JAG2: variants seen among roughly 807,000 people sequenced by gnomAD.
The protein encoded by JAG2 is protein jagged-2.
Under a neutral mutation model 141.7 loss-of-function variants are expected in JAG2, and 46 were observed. The ratio of observed to expected loss-of-function variants is 0.32; its 90% CI spans 0.26 to 0.42. The LOEUF is 0.42. Ranked by LOEUF, JAG2 falls within the 10% of genes least tolerant of loss-of-function variation. The pLI is 1.00. For missense variants in JAG2, 1,500 were observed against 1,817.5 expected (o/e 0.83, Z 3.18); for synonymous variants, 862 against 763.5 (o/e 1.13, Z -2.13).
Position 105,167,719 on chromosome 14 carries a change from A to C in JAG2, c.417+38T>G, listed in dbSNP as rs1458521767. ...GCGCGGGGCCGGGGCGCGGAGAGAG[A>C]GGGAAGGGCTGGAGCACGAGGGATG... On this transcript the variant is annotated intron_variant, in intron 2 of 25. Coordinates refer to ENST00000331782, the MANE Select transcript of JAG2 (RefSeq NM_002226.5). This position sits in a 1 kb window ranked among gnomAD's most constrained non-coding sequence, Gnocchi z 4.8. 1.4e-6 allele frequency: 2 copies of C among 1,398,542 alleles called. No homozygotes were observed. Among genetic ancestry groups the C allele is most frequent in the Non-Finnish European group, 1.9e-6 (2 of 1,075,244 alleles). The allele number at this position is 1,398,542 out of a possible 1,614,324, so 86.6% of individuals were successfully genotyped here. A position where few individuals can be genotyped will look rare whatever the true frequency, so the allele number is the denominator to read the frequency against.
In JAG2 at chr14:105,154,368, G is replaced by A. The variant is rs897436770; in HGVS notation, c.788+1194C>T. ...CTCCACCCGCTCGCGCCCCTCTCTC[G>A]GGCTCCCCAGCTTGCTCACGCACAG... On this transcript the variant is annotated intron_variant, in intron 5 of 25. Coordinates refer to ENST00000331782, the MANE Select transcript of JAG2 (RefSeq NM_002226.5). This position sits in a 1 kb window ranked among gnomAD's most constrained non-coding sequence, Gnocchi z 4.4. Among the ~76,000 whole-genome samples the A allele has an allele frequency of 1.3e-5, 2 of 152,144 alleles. No homozygotes were observed. The highest frequency in any genetic ancestry group is 2.9e-5 in the Non-Finnish European group (2 of 67,988).
intron 3 of JAG2, among the ~76,000 whole-genome samples, chr14:105,156,742 C>G (rs1354459548): frequency 6.6e-6 from 1 of 152,164 alleles, no homozygotes; most frequent in East Asian, 1.9e-4. Context: ...ACTGTGCTGG[C>G]CCACTCCCCA....
At position 105,147,446 on chromosome 14, in the gene JAG2, C is replaced by T. The variant is rs587762920; in HGVS notation, c.2394-35G>A. 73 of 1,609,786 alleles carry T rather than the reference C, an allele frequency of 4.5e-5. No homozygotes were observed. The East Asian group carries it at 7.8e-4, about 17-fold the overall frequency. On this transcript the variant is annotated intron_variant, in intron 19 of 25. Transcript: ENST00000331782. Reference sequence around the variant, plus strand: ...AGAGGGTGGGCATCAGGTGGCCCCCCGTGGTATGCCAAGTCCCACCCACCC... The same window carrying T: ...AGAGGGTGGGCATCAGGTGGCCCCCTGTGGTATGCCAAGTCCCACCCACCC...
Position 105,149,206 on chromosome 14 carries a change from C to G in JAG2, c.1717G>C (p.Val573Leu), listed in dbSNP as rs374569282. 1 of 1,612,034 alleles carries G rather than the reference C, an allele frequency of 6.2e-7. No individual in the cohort carries two copies. The highest frequency in any genetic ancestry group is 8.5e-7 in the Non-Finnish European group (1 of 1,179,834). The change falls in exon 13 of 26, where the codon GTG (valine) becomes CTG (leucine). Residue 573 changes from valine to leucine, a missense_variant. This residue lies in a region of JAG2 where 875 missense variants were observed against 1,202.2 expected (regional missense o/e 0.73). Coordinates refer to ENST00000331782, the MANE Select transcript of JAG2 (RefSeq NM_002226.5). ...PDDFGGKNCS[V>L]PREPCPGGAC... ...CCGCCAGGGCACGGCTCGCGGGGCA[C>G]GGAGCAGTTCTTGCCACCAAAGTCA...
intron 2 of JAG2, among the ~76,000 whole-genome samples, chr14:105,159,181 C>T (rs975787287): frequency 6.6e-6 from 1 of 150,998 alleles, no homozygotes; most frequent in Non-Finnish European, 1.5e-5. Context: ...ACAACTAGGG[C>T]CCAACATGAC....
At chr14:105,157,068 C>A (rs1054918687) in intron 3 of JAG2, among the ~76,000 whole-genome samples, 2 of 152,202 alleles carry the variant, frequency 1.3e-5, no homozygotes, top group East Asian at 1.9e-4. Context: ...GTCCAAGTCA[C>A]CCTGACACGC....
At chr14:105,149,377 G>A (rs1595176870) in intron 12 of JAG2, 57 bp from the exon 13 acceptor site, 2 of 1,607,322 alleles carry the variant, frequency 1.2e-6, no homozygotes, top group East Asian at 2.2e-5. Context: ...CGGGAACACA[G>A]GCCAGGCCTC....
intron 2 of JAG2, among the ~76,000 whole-genome samples, chr14:105,166,978 ACCCACCTGCCAGCCCACT>A (rs1888931869): frequency 6.6e-6 from 1 of 151,800 alleles, no homozygotes; most frequent in Non-Finnish European, 1.5e-5. Flanking sequence ...ACCTACCACT[ACCCACCTGCCAGCCCACT>A]GGGATGAGTA....
intron 24 of JAG2, 40 bp from the exon 25 acceptor site, chr14:105,143,678 TC>T: frequency 1.9e-6 from 3 of 1,597,952 alleles, no homozygotes; most frequent in Non-Finnish European, 2.5e-6. Context: ...GCTCGAGGGC[TC>T]CAGGCTCCCA....
chr14:105,147,799 C>T lies in JAG2; in HGVS notation c.2338G>A (p.Gly780Ser). 2 of 1,549,074 alleles carry T rather than the reference C, an allele frequency of 1.3e-6. No individual in the cohort carries two copies. Among genetic ancestry groups the T allele is most frequent in the Non-Finnish European group, 1.7e-6 (2 of 1,146,994 alleles). ...GASFSCICRD[G>S]WEGRTCTHNT... is the part of the protein sequence containing the mutation. ...TGAGTGCAAGTACGACCCTCCCAGCCGTCCCGGCAGATGCAGGAGAAGGAG... is the reference window on the plus strand; with the variant it reads ...TGAGTGCAAGTACGACCCTCCCAGCTGTCCCGGCAGATGCAGGAGAAGGAG... Residue 780 changes from glycine (G) to serine (S), a missense_variant, in exon 18 of 26, where the codon GGC becomes AGC. This residue lies in a region of JAG2 where 875 missense variants were observed against 1,202.2 expected (regional missense o/e 0.73). Transcript: ENST00000331782.
chr14:105,156,262 A>G (rs1160255273), intron 3 of JAG2, among the ~76,000 whole-genome samples: 1 of 151,968 alleles, frequency 6.6e-6, no homozygotes, highest in African/African-American at 2.4e-5. Context: ...CCCTGCAGGG[A>G]GGGCTGCTGA....
chr14:105,151,182 G>GCCCAGCAGC lies in JAG2; in HGVS notation c.1268-87_1268-79dup, dbSNP rs879116815. On this transcript the variant is annotated intron_variant, in intron 9 of 25. Coordinates refer to ENST00000331782, the MANE Select transcript of JAG2 (RefSeq NM_002226.5). ...GCAGCACGGGCACCTGGCACCCGCA[G>GCCCAGCAGC]CCCAGCAGCCCCAGCAGCCCCAGCA... 2.1e-4 allele frequency: 259 copies of GCCCAGCAGC among 1,252,212 alleles called. 1 individual carries two copies. In the East Asian group the frequency reaches 3.2e-3, roughly 16 times the overall value. 77.6% of individuals were successfully genotyped at this position (1,252,212 alleles called of 1,614,324 possible).
rs1176339398 is a variant in JAG2, at chr14:105,141,420, A to C, written c.*1275T>G. 6.6e-6 allele frequency: 1 copy of C among 152,278 alleles called. No homozygotes were observed. The allele number at this position is 152,278 out of a possible 1,614,324, so 9.4% of individuals were successfully genotyped here. The stretch of plus-strand genomic sequence containing the variant: ...AGACCTTGATACGTATTCGTGGGTA[A>C]GCAATTTTATACTATTTTATAAAAC... On this transcript the variant is annotated 3_prime_UTR_variant, in exon 26 of 26. Transcript: ENST00000331782.
rs1299371389 is a variant in JAG2, at chr14:105,168,399, GC to G, written c.21del (p.Arg8AlafsTer27). 67 of 996,894 alleles carry G rather than the reference GC, an allele frequency of 6.7e-5. No homozygotes were observed. Among genetic ancestry groups the G allele is most frequent in the Middle Eastern group, 4.8e-4 (1 of 2,100 alleles). 61.8% of individuals were successfully genotyped at this position (996,894 alleles called of 1,614,324 possible). A position where few individuals can be genotyped will look rare whatever the true frequency, so the allele number is the denominator to read the frequency against. On this transcript the variant is annotated frameshift_variant, in exon 1 of 26. Transcript: ENST00000331782. LOFTEE classifies it high-confidence loss of function. MRAQGR[G>X]RLPRRLLLLL... ...AGCAGCAGCAGCCGCCGGGGAAGGC[GC>G]CCCCGGCCCTGCGCCCGCATTGCCC...
At position 105,143,459 on chromosome 14, in the gene JAG2, AG is replaced by A. The variant is rs761429993; in HGVS notation, c.3241+22del. On this transcript the variant is annotated intron_variant, in intron 25 of 25. Coordinates refer to ENST00000331782, the MANE Select transcript of JAG2 (RefSeq NM_002226.5). ...TGAGTTGCCTGCCTGGTGCCTTCCC[AG>A]GGGCCCACCTCCCGCGCTTACCTGT... is the stretch of plus-strand genomic sequence containing the variant. 9.7e-5 allele frequency: 150 copies of A among 1,542,062 alleles called. 1 individual carries two copies. The Admixed American group carries it at 1.2e-3, about 13-fold the overall frequency.
chr14:105,167,361 G>A lies in JAG2; in HGVS notation c.417+396C>T, dbSNP rs1345539782. ...CGCAGGCTGGCCACGGGCCCGGGGC[G>A]GCTCAGTCAGGGCCTGCCCTAGACC... On this transcript the variant is annotated intron_variant, in intron 2 of 25. Coordinates refer to ENST00000331782, the MANE Select transcript of JAG2 (RefSeq NM_002226.5). The surrounding 1 kb of genome is among the most constrained non-coding windows in gnomAD (Gnocchi z 4.8). Among the ~76,000 whole-genome samples the A allele has an allele frequency of 1.3e-5, 2 of 152,040 alleles. No homozygotes were observed. Among genetic ancestry groups the A allele is most frequent in the Non-Finnish European group, 2.9e-5 (2 of 67,970 alleles).
rs147282825 is a variant in JAG2 at position 105,160,963 on chromosome 14, C to G, written c.418-3200G>C. ...TGAAGGAGCTGCATGGCAGAGCCCACAAGAAGGCCCAGGGGCTGAGAACGC... is the reference window on the plus strand; with the variant it reads ...TGAAGGAGCTGCATGGCAGAGCCCAGAAGAAGGCCCAGGGGCTGAGAACGC... On this transcript the variant is annotated intron_variant, in intron 2 of 25. Coordinates refer to ENST00000331782, the MANE Select transcript of JAG2 (RefSeq NM_002226.5). Among the ~76,000 whole-genome samples the G allele has an allele frequency of 6.2e-3, 936 of 152,192 alleles. 12 individuals carry two copies. The highest frequency in any genetic ancestry group is 0.021 in the African/African-American group (880 of 41,510).
In JAG2 at chr14:105,151,774, C is replaced by T. The variant is rs1888440549; in HGVS notation, c.1040-35G>A. 4 of 1,599,590 alleles carry T rather than the reference C, an allele frequency of 2.5e-6. No individual in the cohort carries two copies. The Admixed American group carries it at 5.1e-5, about 20-fold the overall frequency. On this transcript the variant is annotated intron_variant, in intron 7 of 25. Coordinates refer to ENST00000331782, the MANE Select transcript of JAG2 (RefSeq NM_002226.5). ...CGCGGGGAGGGGGCAGAGCTGGCAG[C>T]CAGGCCCCCAGCTTTCCACAAGCAC...
intron 5 of JAG2, among the ~76,000 whole-genome samples, chr14:105,153,741 C>G (rs587723830): frequency 6.6e-6 from 1 of 152,216 alleles, no homozygotes. Context: ...CCCCCAGACT[C>G]CGGCTCATCT....
Sources: gnomAD v4.1 joint callset for allele counts (sites outside exome capture counted in the v4.1 genomes callset) on GRCh38, gnomAD v4.1.1 for gene constraint, gnomAD v4.1.1 regional missense constraint, Gnocchi (gnomAD v3.1) non-coding constraint, MANE v1.5 for transcripts, NCBI Gene and HGNC (gene_info 2026-07-23, HGNC 2026-07-21) for gene names.